Variants in MEGF9 observed in about 807,000 individuals in gnomAD.
MEGF9 encodes the protein multiple epidermal growth factor-like domains protein 9.
A neutral mutation model predicts 46.8 loss-of-function variants in MEGF9; 6 were observed. That is an observed-to-expected ratio of 0.13 (90% confidence interval 0.07 to 0.25). MEGF9 has a LOEUF of 0.25. Ranked by LOEUF, MEGF9 falls within the 10% of genes least tolerant of loss-of-function variation. The pLI, the probability that MEGF9 is intolerant of heterozygous loss-of-function variation, is 1.00. For synonymous variants in MEGF9, 302 were observed against 330.7 expected (o/e 0.91, Z 0.94); for missense variants, 683 against 792.4 (o/e 0.86, Z 1.66).
rs757282064 is a variant in MEGF9, at chr9:120,713,937, G to C, written c.422C>G (p.Thr141Ser). The C allele has an allele frequency of 1.5e-6, 2 of 1,373,866 alleles. No individual in the cohort carries two copies. The highest frequency in any genetic ancestry group is 3.0e-5 in the African/African-American group (2 of 66,940). 85.1% of individuals were successfully genotyped at this position (1,373,866 alleles called of 1,614,324 possible). The change falls in exon 1 of 6, where the codon ACC becomes AGC. Residue 141 changes from threonine to serine, a missense_variant. Thr to Ser is a moderately conservative substitution (Grantham distance 58). Transcript: ENST00000373930. ...ERTSTTSQAP[T>S]RPAPTTLSTT... ...CGAAAGGGTGGTCGGCGCGGGTCTG[G>C]TCGGCGCCTGAGAGGTGGTCGAAGT... is the stretch of plus-strand genomic sequence containing the variant.
At chr9:120,672,469 T>TAAATAAATAAATAAAA (rs1564425055) in intron 1 of MEGF9, among the ~76,000 whole-genome samples, 2 of 127,538 alleles carry the variant, frequency 1.6e-5, no homozygotes, top group African/African-American at 5.4e-5. Context: ...AATAAATAAA[T>TAAATAAATAAATAAAA]AAAAAGCCAG....
At chr9:120,690,331 A>G (rs1175439111) in intron 1 of MEGF9, among the ~76,000 whole-genome samples, 1 of 152,176 alleles carries the variant, frequency 6.6e-6, no homozygotes, top group Non-Finnish European at 1.5e-5. Context: ...CCAGAGACCA[A>G]GAAAGCAATG....
At chr9:120,695,712 G>A (rs1401051202) in intron 1 of MEGF9, among the ~76,000 whole-genome samples, 3 of 151,722 alleles carry the variant, frequency 2.0e-5, no homozygotes, top group African/African-American at 7.3e-5. Flanking sequence ...AAGTTTGCAG[G>A]TAGCCAAAGA....
At chr9:120,616,330 T>G (rs1031718147) in intron 3 of MEGF9, among the ~76,000 whole-genome samples, 2 of 152,020 alleles carry the variant, frequency 1.3e-5, no homozygotes, top group South Asian at 4.2e-4. Flanking sequence ...ACTAATGATG[T>G]GAATTTGCTT....
At chr9:120,624,872 C>CAAAAA (rs35120272) in intron 2 of MEGF9, among the ~76,000 whole-genome samples, 1 of 104,124 alleles carries the variant, frequency 9.6e-6, no homozygotes, top group Non-Finnish European at 2.0e-5. Flanking sequence ...GACTCCGTCT[C>CAAAAA]AAAAAAAAAA....
At chr9:120,645,327 T>A (rs76479558) in intron 2 of MEGF9, among the ~76,000 whole-genome samples, 3,633 of 152,260 alleles carry the variant, frequency 0.024, 153 homozygotes, top group African/African-American at 0.084. Flanking sequence ...ATTTAGAGCA[T>A]CCTTGAAAGA....
chr9:120,654,648 T>C (rs1419672550), intron 2 of MEGF9, among the ~76,000 whole-genome samples: 1 of 152,242 alleles, frequency 6.6e-6, no homozygotes. Context: ...TTTATTGTTA[T>C]GTTAGAGTGT....
At chr9:120,652,177 C>CAAAAA (rs1193007265) in intron 2 of MEGF9, among the ~76,000 whole-genome samples, 465 of 14,070 alleles carry the variant, frequency 0.033, 75 homozygotes, top group Non-Finnish European at 0.058. Context: ...CACACACACA[C>CAAAAA]ACACAAAAAA....
At chr9:120,686,224 G>A (rs549782726) in intron 1 of MEGF9, among the ~76,000 whole-genome samples, 1 of 151,986 alleles carries the variant, frequency 6.6e-6, no homozygotes. Context: ...CTGAGCAGCT[G>A]GGACTACAGG....
chr9:120,671,665 G>A lies in MEGF9; in HGVS notation c.602-12090C>T, dbSNP rs189086231. On this transcript the variant is annotated intron_variant, in intron 1 of 5. Transcript: ENST00000373930. ...TCTCCAGGCCCAGATGGCGTCACTGGAGAATTCTACTAAGCATTTTAATAA... is the reference window on the plus strand; with the variant it reads ...TCTCCAGGCCCAGATGGCGTCACTGAAGAATTCTACTAAGCATTTTAATAA... Among the ~76,000 whole-genome samples, 38 of 152,236 alleles carry A rather than the reference G, an allele frequency of 2.5e-4. 1 individual carries two copies. In the East Asian group the frequency reaches 7.3e-3, roughly 29 times the overall value.
chr9:120,693,841 T>C (rs2043861908), intron 1 of MEGF9, among the ~76,000 whole-genome samples: 1 of 152,078 alleles, frequency 6.6e-6, no homozygotes, highest in Non-Finnish European at 1.5e-5. Context: ...TCCTGGCTAA[T>C]GTATAACTTT....
intron 2 of MEGF9, among the ~76,000 whole-genome samples, chr9:120,638,918 G>C (rs1442854154): frequency 6.6e-6 from 1 of 152,262 alleles, no homozygotes; most frequent in Non-Finnish European, 1.5e-5. Context: ...CTGGGCTCGA[G>C]CAAGCCTTCT....
chr9:120,657,184 T>G (rs1364265424), intron 2 of MEGF9, among the ~76,000 whole-genome samples: 2 of 152,214 alleles, frequency 1.3e-5, no homozygotes, highest in East Asian at 3.8e-4. Context: ...AATAAAACTT[T>G]ACAAAAACAG....
At chr9:120,677,376 G>A (rs1297082147) in intron 1 of MEGF9, among the ~76,000 whole-genome samples, 3 of 152,074 alleles carry the variant, frequency 2.0e-5, no homozygotes, top group Non-Finnish European at 2.9e-5. Context: ...CAAGCAATCC[G>A]CCCACCTCAG....
intron 2 of MEGF9, among the ~76,000 whole-genome samples, chr9:120,636,079 G>A (rs118143547): frequency 1.6e-4 from 24 of 152,264 alleles, no homozygotes; most frequent in East Asian, 3.9e-4. Context: ...GAATTAACAC[G>A]TGTATGTCAC....
chr9:120,675,739 T>A (rs1459815605), intron 1 of MEGF9, among the ~76,000 whole-genome samples: 1 of 151,512 alleles, frequency 6.6e-6, no homozygotes, highest in East Asian at 1.9e-4. Context: ...ATACAAAAAA[T>A]TAGCCGGGTG....
chr9:120,659,623 C>T (rs749841101), intron 1 of MEGF9, 48 bp from the exon 2 acceptor site: 48 of 1,378,420 alleles, frequency 3.5e-5, no homozygotes, highest in Admixed American at 2.0e-4. Flanking sequence ...GATTTAATGC[C>T]CTCTTAATAA....
At chr9:120,654,306 T>A (rs1388146160) in intron 2 of MEGF9, among the ~76,000 whole-genome samples, 2 of 152,104 alleles carry the variant, frequency 1.3e-5, no homozygotes, top group Non-Finnish European at 2.9e-5. Context: ...AGCTATCAGG[T>A]AGGCACACAT....
chr9:120,700,848 A>G (rs1283844540), intron 1 of MEGF9, among the ~76,000 whole-genome samples: 1 of 152,068 alleles, frequency 6.6e-6, no homozygotes, highest in East Asian at 1.9e-4. Flanking sequence ...TGGGAGGCTG[A>G]GGTGGGCAGA....
Sources: gnomAD v4.1 joint callset for allele counts (sites outside exome capture counted in the v4.1 genomes callset) on GRCh38, gnomAD v4.1.1 for gene constraint, MANE v1.5 for transcripts, NCBI Gene and HGNC (gene_info 2026-07-23, HGNC 2026-07-21) for gene names.